Variants in FDCSP observed in about 807,000 individuals in gnomAD.
FDCSP encodes follicular dendritic cell secreted peptide.
In FDCSP, 8 loss-of-function variants were observed where a neutral mutation model predicts 8.9. The observed-to-expected ratio is 0.90, with a 90% confidence interval of 0.53 to 1.63. FDCSP has a LOEUF of 1.63. FDCSP is among the 40% of genes most tolerant of loss of function. The pLI is 0.00. For missense variants in FDCSP, 101 were observed against 103.6 expected, an observed-to-expected ratio of 0.98 and a Z score of 0.11; for synonymous variants, 34 against 34.5, an observed-to-expected ratio of 0.98 and a Z score of 0.06.
chr4:70,234,783 T>C (rs1034627923), intron 4 of FDCSP, among the ~76,000 whole-genome samples: 1 of 151,076 alleles, frequency 6.6e-6, no homozygotes, highest in Non-Finnish European at 1.5e-5. Context: ...TGAGGAAATA[T>C]AATCTATACT....
chr4:70,234,924 A>C (rs1282188555), intron 4 of FDCSP, among the ~76,000 whole-genome samples, 161 bp from the exon 5 acceptor site: 1 of 151,518 alleles, frequency 6.6e-6, no homozygotes, highest in Non-Finnish European at 1.5e-5. Context: ...TTACCACTAA[A>C]GACCTTTGCT....
At chr4:70,226,733 T>C (rs1729992907) in intron 1 of FDCSP, among the ~76,000 whole-genome samples, 1 of 151,918 alleles carries the variant, frequency 6.6e-6, no homozygotes, top group African/African-American at 2.4e-5. Context: ...GCATCTGATT[T>C]ATCTGGAGAA....
chr4:70,230,160 A>T (rs1366142638), intron 1 of FDCSP, among the ~76,000 whole-genome samples: 1 of 151,672 alleles, frequency 6.6e-6, no homozygotes, highest in African/African-American at 2.4e-5. Flanking sequence ...AATTTCAAGT[A>T]AAGTCCCCTA....
chr4:70,227,556 A>T (rs1223464145), intron 1 of FDCSP, among the ~76,000 whole-genome samples: 1 of 148,694 alleles, frequency 6.7e-6, no homozygotes, highest in East Asian at 2.0e-4. Context: ...ATTTTCCCCA[A>T]TGTAAAATAT....
chr4:70,227,871 C>T (rs1011928194), intron 1 of FDCSP, among the ~76,000 whole-genome samples: 14 of 151,778 alleles, frequency 9.2e-5, no homozygotes, highest in Non-Finnish European at 1.3e-4. Flanking sequence ...TACTTTATTG[C>T]TCAAAAATGC....
intron 2 of FDCSP, among the ~76,000 whole-genome samples, chr4:70,231,614 G>A (rs546209452): frequency 2.9e-4 from 44 of 151,782 alleles, no homozygotes; most frequent in African/African-American, 1.1e-3. Flanking sequence ...AGTCATATAA[G>A]AATAGAGCAC....
chr4:70,229,190 C>G (rs187124956), intron 1 of FDCSP, among the ~76,000 whole-genome samples: 99 of 151,728 alleles, frequency 6.5e-4, no homozygotes, highest in African/African-American at 2.3e-3. Context: ...TTACCTTGCA[C>G]TTTTATGTTA....
chr4:70,231,992 C>T (rs1199146897), intron 2 of FDCSP, among the ~76,000 whole-genome samples: 1 of 151,662 alleles, frequency 6.6e-6, no homozygotes. Context: ...AATAAGGATA[C>T]AAAGAGTGAA....
chr4:70,226,900 T>A (rs1277887099), intron 1 of FDCSP, among the ~76,000 whole-genome samples: 1 of 151,946 alleles, frequency 6.6e-6, no homozygotes, highest in Non-Finnish European at 1.5e-5. Flanking sequence ...ATTTGCTTAA[T>A]GTAGTTTTGA....
At chr4:70,233,658 A>G (rs185211609) in intron 3 of FDCSP, among the ~76,000 whole-genome samples, 57 of 151,806 alleles carry the variant, frequency 3.8e-4, no homozygotes, top group African/African-American at 1.3e-3. Context: ...GAACTGAGAT[A>G]ATGAAAGAGA....
chr4:70,231,142 AT>A, intron 1 of FDCSP, 52 bp from the exon 2 acceptor site: 1 of 1,426,082 alleles, frequency 7.0e-7, no homozygotes, highest in Non-Finnish European at 9.7e-7. Flanking sequence ...CTTCTAGGAT[AT>A]TTATGAATAA....
rs1514407 is a variant in FDCSP at position 70,231,263 on chromosome 4, C to T, written c.57+12C>T. The T allele has an allele frequency of 2.2e-3, 3,428 of 1,592,092 alleles. 52 individuals carry two copies. In the African/African-American group the frequency reaches 0.027, roughly 12 times the overall value. On this transcript the variant is annotated intron_variant, in intron 2 of 4. Coordinates refer to ENST00000317987, the MANE Select transcript of FDCSP (RefSeq NM_152997.4). ...CTGTTGGTTTCCCAGTAAGTATCCA[C>T]GTATACATTCCAAAATATTTATGTA...
rs2109688019 is a variant in FDCSP at position 70,235,252 on chromosome 4, A to G, written c.*196A>G. On this transcript the variant is annotated 3_prime_UTR_variant, in exon 5 of 5. Coordinates refer to ENST00000317987, the MANE Select transcript of FDCSP (RefSeq NM_152997.4). ...GATTTTGGTTTCTTAATTTCCACAAATTCCATGATTAGTACTCAATTTGTT... is the reference window on the plus strand; with the variant it reads ...GATTTTGGTTTCTTAATTTCCACAAGTTCCATGATTAGTACTCAATTTGTT... 1 of 151,868 alleles carries G rather than the reference A, an allele frequency of 6.6e-6. No homozygotes were observed. Among genetic ancestry groups the G allele is most frequent in the East Asian group, 1.9e-4 (1 of 5,142 alleles). 9.4% of individuals were successfully genotyped at this position (151,868 alleles called of 1,614,324 possible).
intron 1 of FDCSP, among the ~76,000 whole-genome samples, chr4:70,228,581 C>T (rs1480607925): frequency 6.6e-6 from 1 of 151,726 alleles, no homozygotes; most frequent in African/African-American, 2.4e-5. Flanking sequence ...TGCCCAGATC[C>T]ATCAAATAAA....
In FDCSP at chr4:70,234,206, G is replaced by C. The variant is rs767921845; in HGVS notation, c.*19G>C. On this transcript the variant is annotated 3_prime_UTR_variant, in exon 4 of 5. Coordinates refer to ENST00000317987, the MANE Select transcript of FDCSP (RefSeq NM_152997.4). ...AAAGTAAACAAGAAGGAAAAGTCAC[G>C]ATAAACCTGGTAAGTACACATAGTT... The C allele has an allele frequency of 1.2e-6, 2 of 1,602,430 alleles. No individual in the cohort carries two copies. Among genetic ancestry groups the C allele is most frequent in the Non-Finnish European group, 1.7e-6 (2 of 1,173,200 alleles).
At chr4:70,232,887 G>T in intron 2 of FDCSP, 107 bp from the exon 3 acceptor site, 1 of 962,906 alleles carries the variant, frequency 1.0e-6, no homozygotes, top group Non-Finnish European at 1.6e-6. Flanking sequence ...TTTAAAAAAT[G>T]GTTATTATGA....
intron 2 of FDCSP, among the ~76,000 whole-genome samples, chr4:70,231,829 A>G (rs964568706): frequency 1.3e-5 from 2 of 151,720 alleles, no homozygotes; most frequent in Non-Finnish European, 3.0e-5. Flanking sequence ...CACATGTCTA[A>G]CTGCCCCTGA....
chr4:70,231,279 T>G (rs1346400777), intron 2 of FDCSP, 28 bp downstream of exon 2: 1 of 1,545,506 alleles, frequency 6.5e-7, no homozygotes, highest in Non-Finnish European at 8.8e-7. Context: ...CATTCCAAAA[T>G]ATTTATGTAT....
At chr4:70,232,073 T>C (rs888012444) in intron 2 of FDCSP, among the ~76,000 whole-genome samples, 6 of 151,730 alleles carry the variant, frequency 4.0e-5, no homozygotes, top group Non-Finnish European at 8.9e-5. Flanking sequence ...TAAAGTAAAA[T>C]AGTTATAGTA....
Sources: allele counts gnomAD v4.1 joint callset (sites outside exome capture counted in the v4.1 genomes callset), GRCh38; gene constraint gnomAD v4.1.1; transcripts MANE v1.5; gene names NCBI Gene and HGNC (gene_info 2026-07-23, HGNC 2026-07-21).